Variants in WDFY3 observed in about 807,000 individuals in gnomAD.
WDFY3 encodes WD repeat and FYVE domain containing 3, also known as WD repeat and FYVE domain-containing protein 3.
WDFY3 carries 66 observed loss-of-function variants against 409.6 expected under a neutral mutation model. The observed-to-expected ratio is 0.16, with a 90% confidence interval of 0.13 to 0.20. The LOEUF (loss-of-function observed/expected upper bound fraction) is 0.20, where lower values mean the gene tolerates loss of function less well. WDFY3 is among the 10% of genes least tolerant of loss of function. The probability of loss-of-function intolerance (pLI) is 1.00; values close to 1 mark genes in which losing one functional copy is unlikely to be tolerated. For synonymous variants in WDFY3, 1,521 were observed against 1,537.1 expected, an observed-to-expected ratio of 0.99 and a Z score of 0.25; for missense variants, 3,031 against 4,298.1, an observed-to-expected ratio of 0.71 and a Z score of 8.24.
At chr4:84,706,323 A>G (rs1409062064) in intron 53 of WDFY3, among the ~76,000 whole-genome samples, 1 of 152,194 alleles carries the variant, frequency 6.6e-6, no homozygotes, top group African/African-American at 2.4e-5. Flanking sequence ...TCAAGTTAGC[A>G]TATTTGTTAT....
intron 67 of WDFY3, among the ~76,000 whole-genome samples, chr4:84,676,968 T>C (rs1726400865): frequency 6.6e-6 from 1 of 152,188 alleles, no homozygotes; most frequent in African/African-American, 2.4e-5. Flanking sequence ...CGATGAAATA[T>C]TAGCATATGT....
chr4:84,846,375 A>C (rs1758079841), intron 5 of WDFY3, among the ~76,000 whole-genome samples: 1 of 152,060 alleles, frequency 6.6e-6, no homozygotes, highest in South Asian at 2.1e-4. Context: ...AGTTAAAAAA[A>C]ATACTTGTGT....
In WDFY3 at chr4:84,803,364, C is replaced by T. The variant is rs757877330; in HGVS notation, c.2533G>A (p.Val845Ile). 1 of 1,614,096 alleles carries T rather than the reference C, an allele frequency of 6.2e-7. No homozygotes were observed. Among genetic ancestry groups the T allele is most frequent in the South Asian group, 1.1e-5 (1 of 91,068 alleles). Residue 845 changes from valine to isoleucine, a missense_variant, in exon 16 of 68, where the codon GTC (valine) becomes ATC (isoleucine). Coordinates refer to ENST00000295888, the MANE Select transcript of WDFY3 (RefSeq NM_014991.6). ...AGCATGGCTCCAGGATGAATGATGA[C>T]TGCATCAGAACTCTGCAGAGATGAA... ...TTSSLQSSDA[V>I]IIHPGAMLAM...
At position 84,786,041 on chromosome 4, in the gene WDFY3, G is replaced by A. The variant is rs777174110; in HGVS notation, c.4000C>T (p.Leu1334=). The change falls in exon 24 of 68, where the codon CTA becomes TTA. Residue 1334 remains leucine (L), a synonymous_variant. Transcript: ENST00000295888. Reference sequence around the variant, plus strand: ...ACTTTCCGGATTCTTGCCACTGTTAGAGACGACACAGAGAGTGCATAGAGG... The same window carrying A: ...ACTTTCCGGATTCTTGCCACTGTTAAAGACGACACAGAGAGTGCATAGAGG... ...FGLYALSVSS[L]TVARIRKVYN... The A allele has an allele frequency of 2.5e-6, 4 of 1,613,896 alleles. No individual in the cohort carries two copies. Among genetic ancestry groups the A allele is most frequent in the Middle Eastern group, 1.6e-4 (1 of 6,062 alleles).
chr4:84,722,922 T>C (rs1735071267), intron 46 of WDFY3, among the ~76,000 whole-genome samples: 1 of 152,188 alleles, frequency 6.6e-6, no homozygotes, highest in South Asian at 2.1e-4. Context: ...GCAGAGAACA[T>C]CCACAAGGGG....
At chr4:84,832,298 A>G (rs1755852586) in intron 7 of WDFY3, among the ~76,000 whole-genome samples, 1 of 152,122 alleles carries the variant, frequency 6.6e-6, no homozygotes, top group Non-Finnish European at 1.5e-5. Flanking sequence ...TGATCTCATG[A>G]AAGTAAAGAG....
chr4:84,963,319 G>T (rs1775168239), intron 1 of WDFY3, among the ~76,000 whole-genome samples: 2 of 151,736 alleles, frequency 1.3e-5, no homozygotes, highest in South Asian at 2.1e-4. Flanking sequence ...AGCTACTTGG[G>T]TGGCTGAGGC....
intron 2 of WDFY3, among the ~76,000 whole-genome samples, chr4:84,924,047 C>T (rs1442833063): frequency 6.6e-6 from 1 of 152,088 alleles, no homozygotes; most frequent in Non-Finnish European, 1.5e-5. Context: ...AAATAAATTC[C>T]TACAAGCTAC....
chr4:84,921,056 T>C (rs1354621595), intron 2 of WDFY3, among the ~76,000 whole-genome samples: 3 of 152,042 alleles, frequency 2.0e-5, no homozygotes, highest in Admixed American at 1.3e-4. Context: ...AAGAACTTAA[T>C]GGATTAACTT....
At chr4:84,793,896 T>A (rs1002300971) in intron 21 of WDFY3, among the ~76,000 whole-genome samples, 1 of 152,118 alleles carries the variant, frequency 6.6e-6, no homozygotes, top group African/African-American at 2.4e-5. Context: ...CAAAATTAGA[T>A]GACCAAAAAA....
At chr4:84,850,790 T>C (rs539588809) in intron 4 of WDFY3, among the ~76,000 whole-genome samples, 12 of 152,076 alleles carry the variant, frequency 7.9e-5, no homozygotes, top group Admixed American at 7.9e-4. Context: ...CTAATCACAA[T>C]AATTTACAAA....
At chr4:84,787,320 A>T (rs965921376) in intron 23 of WDFY3, among the ~76,000 whole-genome samples, 162 bp downstream of exon 23, 2 of 152,190 alleles carry the variant, frequency 1.3e-5, no homozygotes, top group Non-Finnish European at 2.9e-5. Flanking sequence ...TAATCAGTGG[A>T]GGAAAATATT....
chr4:84,757,959 T>TGAACTTAACATCCA, intron 32 of WDFY3, among the ~76,000 whole-genome samples: 1 of 152,234 alleles, frequency 6.6e-6, no homozygotes, highest in Non-Finnish European at 1.5e-5. Flanking sequence ...ATCCACTGGC[T>TGAACTTAACATCCA]GAACTTAACA....
intron 47 of WDFY3, 39 bp downstream of exon 47, chr4:84,721,370 T>C: frequency 6.2e-7 from 1 of 1,606,730 alleles, no homozygotes. Context: ...AATATGTTAC[T>C]GAAGTATTTA....
At chr4:84,703,156 C>T (rs188131603) in intron 55 of WDFY3, among the ~76,000 whole-genome samples, 3 of 151,558 alleles carry the variant, frequency 2.0e-5, no homozygotes, top group Non-Finnish European at 4.4e-5. Context: ...ATGATGCCAT[C>T]ACAAGAAAAG....
chr4:84,695,867 A>ATC, intron 58 of WDFY3, 103 bp downstream of exon 58: 1 of 1,125,338 alleles, frequency 8.9e-7, no homozygotes, highest in South Asian at 1.6e-5. Context: ...ATGGCTCTTT[A>ATC]TTAAGTTAAT....
At chr4:84,743,619 G>T in intron 37 of WDFY3, 81 bp downstream of exon 37, 1 of 1,058,090 alleles carries the variant, frequency 9.5e-7, no homozygotes, top group South Asian at 2.5e-5. Context: ...GAAAAAAGCT[G>T]ATGTTAAAAA....
intron 58 of WDFY3, among the ~76,000 whole-genome samples, chr4:84,694,256 C>T (rs1045376036): frequency 1.3e-5 from 2 of 152,144 alleles, no homozygotes; most frequent in Non-Finnish European, 2.9e-5. Context: ...TACTGAAGCA[C>T]TTTTACGTGA....
chr4:84,721,174 A>C (rs56928172), intron 47 of WDFY3, among the ~76,000 whole-genome samples: 23,578 of 152,254 alleles, frequency 0.15, 2,049 homozygotes, highest in South Asian at 0.29. Flanking sequence ...AGAAAGAATT[A>C]GATGCCAGTT....
Sources: gnomAD v4.1 joint callset for allele counts (sites outside exome capture counted in the v4.1 genomes callset) on GRCh38, gnomAD v4.1.1 for gene constraint, MANE v1.5 for transcripts, NCBI Gene and HGNC (gene_info 2026-07-23, HGNC 2026-07-21) for gene names.